The following MERTK variants were observed in gnomAD, a reference collection of about 807,000 sequenced individuals.
MERTK encodes MER proto-oncogene, tyrosine kinase, also known as tyrosine-protein kinase Mer.
MERTK carries 69 observed loss-of-function variants against 99.3 expected under a neutral mutation model. The ratio of observed to expected loss-of-function variants is 0.70; its 90% CI spans 0.57 to 0.85. The LOEUF is 0.85. Ranked by LOEUF, MERTK falls within the 40% of genes least tolerant of loss-of-function variation. The pLI is 0.00. For missense variants in MERTK, 1,125 were observed against 1,249.4 expected (o/e 0.90, Z 1.50); for synonymous variants, 426 against 467.6 (o/e 0.91, Z 1.15).
At chr2:111,994,885 T>G (rs1384400505) in intron 9 of MERTK, among the ~76,000 whole-genome samples, 1 of 152,104 alleles carries the variant, frequency 6.6e-6, no homozygotes, top group African/African-American at 2.4e-5. Flanking sequence ...CTGATACCCA[T>G]AGGTCCCTCC....
At chr2:111,942,201 T>A (rs1573588210) in intron 2 of MERTK, among the ~76,000 whole-genome samples, 1 of 152,206 alleles carries the variant, frequency 6.6e-6, no homozygotes. Flanking sequence ...GTGTCCTCAG[T>A]CTGTCCGATC....
intron 2 of MERTK, among the ~76,000 whole-genome samples, chr2:111,933,297 C>G (rs1427581303): frequency 6.6e-6 from 1 of 152,224 alleles, no homozygotes; most frequent in African/African-American, 2.4e-5. Flanking sequence ...CTAAGGAAAT[C>G]TACTGTGGCT....
intron 15 of MERTK, among the ~76,000 whole-genome samples, chr2:112,018,195 T>G (rs1052517177): frequency 6.6e-6 from 1 of 152,228 alleles, no homozygotes; most frequent in Non-Finnish European, 1.5e-5. Context: ...CTTGCTGAAC[T>G]CATTTATTAA....
intron 16 of MERTK, among the ~76,000 whole-genome samples, chr2:112,020,013 C>G (rs1677303898): frequency 6.6e-6 from 1 of 152,240 alleles, no homozygotes; most frequent in South Asian, 2.1e-4. Context: ...CTCCCTATTT[C>G]TTCAACCTGC....
intron 4 of MERTK, among the ~76,000 whole-genome samples, chr2:111,959,278 A>G (rs977181538): frequency 6.6e-6 from 1 of 152,084 alleles, no homozygotes; most frequent in Non-Finnish European, 1.5e-5. Context: ...TCTTTCTTAA[A>G]ATCAATGCTT....
At chr2:111,931,049 T>C (rs1684660761) in intron 2 of MERTK, among the ~76,000 whole-genome samples, 1 of 152,220 alleles carries the variant, frequency 6.6e-6, no homozygotes, top group Non-Finnish European at 1.5e-5. Context: ...TGTTACATTT[T>C]CACTTTCTGT....
intron 1 of MERTK, among the ~76,000 whole-genome samples, chr2:111,904,458 C>A (rs986617552): frequency 4.0e-5 from 6 of 151,078 alleles, no homozygotes; most frequent in African/African-American, 1.5e-4. Flanking sequence ...CTCACTGCAA[C>A]CTCCGCCTCC....
At chr2:111,928,216 C>CTTTTTTTT (rs34872417) in intron 1 of MERTK, among the ~76,000 whole-genome samples, 1 of 84,848 alleles carries the variant, frequency 1.2e-5, no homozygotes, top group African/African-American at 4.9e-5. Flanking sequence ...CCATGAGCAG[C>CTTTTTTTT]TTTTTTTTTT....
At chr2:112,002,211 C>G (rs1676883631) in intron 11 of MERTK, among the ~76,000 whole-genome samples, 2 of 151,964 alleles carry the variant, frequency 1.3e-5, no homozygotes, top group Admixed American at 1.3e-4. Flanking sequence ...ATATACCTTA[C>G]TATATTATAT....
chr2:111,900,787 T>A (rs1178293593), intron 1 of MERTK, among the ~76,000 whole-genome samples: 1 of 152,214 alleles, frequency 6.6e-6, no homozygotes, highest in Non-Finnish European at 1.5e-5. Context: ...AAGAATGGGA[T>A]TCTCACTGGC....
At chr2:111,962,854 G>A (rs1407171223) in intron 4 of MERTK, among the ~76,000 whole-genome samples, 2 of 152,156 alleles carry the variant, frequency 1.3e-5, no homozygotes, top group African/African-American at 4.8e-5. Context: ...GAAGGGGTGG[G>A]TTGCTCCTCC....
chr2:111,995,353 C>T (rs944371898), intron 9 of MERTK: 3 of 186,630 alleles, frequency 1.6e-5, no homozygotes, highest in Non-Finnish European at 3.4e-5. Context: ...TTGACTCTCA[C>T]CTGCCCTAGG....
In MERTK at chr2:111,970,819, C is replaced by CTT. The variant is rs1421135642; in HGVS notation, c.960+2567_960+2568insTT. Among the ~76,000 whole-genome samples the CTT allele has an allele frequency of 2.9e-3, 281 of 96,722 alleles. 2 individuals are homozygous for CTT. Among genetic ancestry groups the CTT allele is most frequent in the African/African-American group, 0.011 (273 of 25,054 alleles). The allele number at this position is 96,722 out of a possible 152,430, so 63.5% of individuals were successfully genotyped here. On this transcript the variant is annotated intron_variant, in intron 6 of 18. Coordinates refer to ENST00000295408, the MANE Select transcript of MERTK (RefSeq NM_006343.3). ...CTCCTCCCCCCTCCTCCTCCTCCTCCCTCCTCCTCCCTCCTCCTTCTCCTC... is the reference window on the plus strand; with the variant it reads ...CTCCTCCCCCCTCCTCCTCCTCCTCCTTCTCCTCCTCCCTCCTCCTTCTCCTC...
At chr2:111,975,499 T>C (rs773169183) in intron 7 of MERTK, 27 bp downstream of exon 7, 2 of 1,608,528 alleles carry the variant, frequency 1.2e-6, no homozygotes, top group Non-Finnish European at 8.5e-7. Flanking sequence ...AGAATGTATA[T>C]TGCCCCCAAT....
intron 2 of MERTK, among the ~76,000 whole-genome samples, chr2:111,935,793 T>C (rs1443431087): frequency 6.6e-6 from 1 of 152,134 alleles, no homozygotes; most frequent in African/African-American, 2.4e-5. Context: ...AGAAAAATTT[T>C]CCAATTATAT....
At chr2:111,985,651 G>A (rs1676464052) in intron 8 of MERTK, among the ~76,000 whole-genome samples, 1 of 152,164 alleles carries the variant, frequency 6.6e-6, no homozygotes, top group Admixed American at 6.5e-5. Context: ...CAGAGAAGGA[G>A]CAAAGGCACG....
At chr2:111,975,613 G>A in intron 7 of MERTK, 141 bp downstream of exon 7, 1 of 892,582 alleles carries the variant, frequency 1.1e-6, no homozygotes, top group African/African-American at 1.7e-5. Context: ...GGCGACTGAT[G>A]AAAATGGGAA....
rs946665136 is a variant in MERTK, at chr2:111,925,268, C to T, written c.62-3852C>T. 2.5e-4 allele frequency among the ~76,000 whole-genome samples: 26 copies of T among 103,588 alleles called. 1 individual carries two copies. Among genetic ancestry groups the T allele is most frequent in the Non-Finnish European group, 5.7e-5 (3 of 52,818 alleles). The allele number at this position is 103,588 out of a possible 152,430, so 68.0% of individuals were successfully genotyped here. On this transcript the variant is annotated intron_variant, in intron 1 of 18. Coordinates refer to ENST00000295408, the MANE Select transcript of MERTK (RefSeq NM_006343.3). ...TCAACTTCTGGTAAATCAAATTGTA[C>T]AGATCAGATATATATATATATATAT...
chr2:112,009,101 G>A (rs1400474513), intron 14 of MERTK, among the ~76,000 whole-genome samples: 1 of 152,202 alleles, frequency 6.6e-6, no homozygotes, highest in Non-Finnish European at 1.5e-5. Flanking sequence ...TGAATTTTCT[G>A]CTGACCTTGG....
Sources: gnomAD v4.1 joint callset for allele counts (sites outside exome capture counted in the v4.1 genomes callset) on GRCh38, gnomAD v4.1.1 for gene constraint, MANE v1.5 for transcripts, NCBI Gene and HGNC (gene_info 2026-07-23, HGNC 2026-07-21) for gene names.